The following LHPP variants were observed in gnomAD, a reference collection of about 807,000 sequenced individuals.
The protein encoded by LHPP is phospholysine phosphohistidine inorganic pyrophosphate phosphatase.
LHPP carries 24 observed loss-of-function variants against 30.3 expected under a neutral mutation model. The observed-to-expected ratio is 0.79, with a 90% confidence interval of 0.57 to 1.11. LHPP has a LOEUF of 1.11. LHPP is among the 50% of genes most tolerant of loss of function. LHPP has a pLI of 0.00. For synonymous variants in LHPP, 150 were observed against 157.1 expected (o/e 0.95, Z 0.34); for missense variants, 356 against 367.2 (o/e 0.97, Z 0.25).
At position 124,523,424 on chromosome 10, in the gene LHPP, C is replaced by A. The variant is rs2133919800; in HGVS notation, c.716+6153C>A. ...CGTCGGGAGGGAGAGTGCCCCCACG[C>A]CTGGCCTTTGACCTTGGAAGCGGCT... On this transcript the variant is annotated intron_variant, in intron 6 of 6. Coordinates refer to ENST00000368842, the MANE Select transcript of LHPP (RefSeq NM_022126.4). This position sits in a 1 kb window ranked among gnomAD's most constrained non-coding sequence, Gnocchi z 4.2. Among the ~76,000 whole-genome samples the A allele has an allele frequency of 6.6e-6, 1 of 152,320 alleles. No individual in the cohort carries two copies. Among genetic ancestry groups the A allele is most frequent in the South Asian group, 2.1e-4 (1 of 4,822 alleles).
intron 6 of LHPP, among the ~76,000 whole-genome samples, chr10:124,560,486 C>T (rs905559324): frequency 6.6e-6 from 1 of 152,226 alleles, no homozygotes; most frequent in Admixed American, 6.5e-5. Flanking sequence ...TTAGCTAAAG[C>T]TGTGGGAGAA....
intron 5 of LHPP, among the ~76,000 whole-genome samples, chr10:124,516,554 C>A (rs781143636): frequency 6.6e-6 from 1 of 152,148 alleles, no homozygotes. Flanking sequence ...CATTGTCCTT[C>A]GTTGCTTGAT....
In LHPP at chr10:124,496,252, G is replaced by C. The variant is rs114656980; in HGVS notation, c.468-709G>C. ...GTCTGGCCCACCATGTGTCTGGACT[G>C]TGAGTGCCTTGAGGCTCAGTGTGAC... On this transcript the variant is annotated intron_variant, in intron 3 of 6. Transcript: ENST00000368842. This position sits in a 1 kb window ranked among gnomAD's most constrained non-coding sequence, Gnocchi z 4.3. 5.2e-3 allele frequency among the ~76,000 whole-genome samples: 787 copies of C among 152,326 alleles called. 9 individuals are homozygous for C. Among genetic ancestry groups the C allele is most frequent in the African/African-American group, 0.018 (735 of 41,570 alleles).
At chr10:124,464,062 G>T (rs1365145691) in intron 1 of LHPP, among the ~76,000 whole-genome samples, 1 of 152,090 alleles carries the variant, frequency 6.6e-6, no homozygotes. Context: ...GAAGTGATCT[G>T]CCTGCCTCAG....
intron 1 of LHPP, among the ~76,000 whole-genome samples, chr10:124,476,797 T>C (rs972066036): frequency 6.6e-6 from 1 of 152,182 alleles, no homozygotes; most frequent in African/African-American, 2.4e-5. Context: ...ATCAGCACCT[T>C]GTGGGTTTCA....
chr10:124,554,673 G>C (rs1024272412), intron 6 of LHPP, among the ~76,000 whole-genome samples: 1 of 152,166 alleles, frequency 6.6e-6, no homozygotes, highest in African/African-American at 2.4e-5. Flanking sequence ...GGCCAGGTGG[G>C]CGGGGCCAGG....
At chr10:124,603,727 T>A (rs2134014234) in intron 6 of LHPP, among the ~76,000 whole-genome samples, 1 of 152,316 alleles carries the variant, frequency 6.6e-6, no homozygotes, top group Non-Finnish European at 1.5e-5. Context: ...CAGGCCACCC[T>A]TCGTGCCAGG....
At chr10:124,488,346 TC>T in intron 2 of LHPP, 75 bp from the exon 3 acceptor site, 1 of 1,325,998 alleles carries the variant, frequency 7.5e-7, no homozygotes, top group Non-Finnish European at 1.1e-6. Context: ...GTGAAAGGTG[TC>T]CCTGGTAGGA....
At position 124,503,016 on chromosome 10, in the gene LHPP, A is replaced by G. The variant is rs376687339; in HGVS notation, c.624+4888A>G. Reference sequence around the variant, plus strand: ...GTGGGAAAGTTCTTTGACACTATGTAAATATTCTCTTTCTGATCATTAGTT... The same window carrying G: ...GTGGGAAAGTTCTTTGACACTATGTGAATATTCTCTTTCTGATCATTAGTT... On this transcript the variant is annotated intron_variant, in intron 5 of 6. Transcript: ENST00000368842. 4.2e-4 allele frequency among the ~76,000 whole-genome samples: 64 copies of G among 151,566 alleles called. 1 individual carries two copies. In the South Asian group the frequency reaches 0.012, roughly 28 times the overall value.
intron 3 of LHPP, among the ~76,000 whole-genome samples, chr10:124,493,120 G>A (rs78102348): frequency 1.8e-4 from 27 of 148,750 alleles, no homozygotes; most frequent in Non-Finnish European, 1.6e-4. Flanking sequence ...TGTTGAAAAA[G>A]AAAAAAAAAA....
At position 124,482,206 on chromosome 10, in the gene LHPP, T is replaced by C. The variant is rs150486931; in HGVS notation, c.126-1933T>C. ...GTTGAATCTGCGTGTATTCATTTCA[T>C]TGGGCCACATCTGTAAACAGAACTT... On this transcript the variant is annotated intron_variant, in intron 1 of 6. Transcript: ENST00000368842. 5.9e-3 allele frequency among the ~76,000 whole-genome samples: 897 copies of C among 152,352 alleles called. 11 individuals carry two copies. Among genetic ancestry groups the C allele is most frequent in the African/African-American group, 0.02 (838 of 41,578 alleles).
intron 6 of LHPP, among the ~76,000 whole-genome samples, chr10:124,531,062 A>G (rs1291646679): frequency 3.9e-5 from 6 of 152,166 alleles, no homozygotes; most frequent in Admixed American, 3.9e-4. Context: ...CCCTCCTGCC[A>G]GTCCCACCTG....
At chr10:124,492,203 G>A (rs892887272) in intron 3 of LHPP, among the ~76,000 whole-genome samples, 6 of 152,184 alleles carry the variant, frequency 3.9e-5, no homozygotes, top group Admixed American at 6.5e-5. Context: ...TCAAAGTAGA[G>A]AAGTACTTCT....
chr10:124,604,756 T>G (rs1265853048), intron 6 of LHPP, among the ~76,000 whole-genome samples: 2 of 152,224 alleles, frequency 1.3e-5, no homozygotes, highest in Admixed American at 6.5e-5. Flanking sequence ...CTGAATTCAC[T>G]GGGCAGCCGC....
chr10:124,480,081 T>C (rs188783964), intron 1 of LHPP, among the ~76,000 whole-genome samples: 134 of 152,316 alleles, frequency 8.8e-4, no homozygotes, highest in African/African-American at 2.6e-3. Flanking sequence ...CTCAGTATAA[T>C]GTTGTATTAA....
chr10:124,474,047 C>T lies in LHPP; in HGVS notation c.126-10092C>T, dbSNP rs146191677. Among the ~76,000 whole-genome samples the T allele has an allele frequency of 2.7e-5, 4 of 150,644 alleles. No individual in the cohort carries two copies. In the East Asian group the frequency reaches 5.8e-4, roughly 22 times the overall value. On this transcript the variant is annotated intron_variant, in intron 1 of 6. Transcript: ENST00000368842. ...TAAACTATCAGGAGATAAAAGCCAA[C>T]GTTTTACTTATTCCATATCTAGGAG...
At chr10:124,465,769 G>A (rs1952536060) in intron 1 of LHPP, among the ~76,000 whole-genome samples, 1 of 152,142 alleles carries the variant, frequency 6.6e-6, no homozygotes, top group Admixed American at 6.5e-5. Context: ...TACCATGATG[G>A]CCAGGCTGGT....
intron 2 of LHPP, among the ~76,000 whole-genome samples, chr10:124,484,670 CAGAGAGAGAGAG>C (rs5788664): frequency 4.9e-5 from 7 of 144,166 alleles, no homozygotes; most frequent in Non-Finnish European, 7.6e-5. Context: ...GAGAAAGAGA[CAGAGAGAGAGAG>C]AGAGAGAGAG....
chr10:124,601,930 T>C (rs1949028290), intron 6 of LHPP, among the ~76,000 whole-genome samples: 1 of 152,154 alleles, frequency 6.6e-6, no homozygotes, highest in Admixed American at 6.5e-5. Flanking sequence ...AGGCCCTGCG[T>C]GCACTCGCAG....
Sources: gnomAD v4.1 joint callset for allele counts (sites outside exome capture counted in the v4.1 genomes callset) on GRCh38, gnomAD v4.1.1 for gene constraint, Gnocchi (gnomAD v3.1) non-coding constraint, MANE v1.5 for transcripts, NCBI Gene and HGNC (gene_info 2026-07-23, HGNC 2026-07-21) for gene names.